Variants in CAPN9 observed in about 807,000 individuals in gnomAD.
The protein encoded by CAPN9 is calpain-9.
In CAPN9, 81 loss-of-function variants were observed where a neutral mutation model predicts 92.8. That is an observed-to-expected ratio of 0.87 (90% CI 0.73 to 1.05). The LOEUF (loss-of-function observed/expected upper bound fraction) is 1.05, where lower values mean the gene tolerates loss of function less well. CAPN9 is among the 50% of genes least tolerant of loss of function. The probability of loss-of-function intolerance (pLI) is 0.00; values close to 1 mark genes in which losing one functional copy is unlikely to be tolerated. For missense variants in CAPN9, 848 were observed against 866.2 expected (o/e 0.98, Z 0.26); for synonymous variants, 304 against 328.0 (o/e 0.93, Z 0.79).
chr1:230,783,525 T>G (rs1365512802), intron 11 of CAPN9, among the ~76,000 whole-genome samples: 1 of 152,180 alleles, frequency 6.6e-6, no homozygotes, highest in Admixed American at 6.5e-5. Flanking sequence ...TGCTCCTGCT[T>G]TTGCCATGTG....
chr1:230,798,138 C>G (rs755542081), intron 18 of CAPN9, 24 bp from the exon 19 acceptor site: 4 of 1,553,080 alleles, frequency 2.6e-6, no homozygotes, highest in Non-Finnish European at 3.6e-6. Context: ...TAAAAGGATG[C>G]CTTTCCCCCT....
intron 18 of CAPN9, among the ~76,000 whole-genome samples, chr1:230,796,329 TATAAATAAATAA>T (rs67443675): frequency 0.022 from 3,188 of 142,240 alleles, 41 homozygotes; most frequent in East Asian, 0.076. Context: ...ATCTCAAAAA[TATAAATAAATAA>T]ATAAATAAAT....
chr1:230,763,815 C>T (rs886990612), intron 4 of CAPN9, among the ~76,000 whole-genome samples: 2 of 152,208 alleles, frequency 1.3e-5, no homozygotes, highest in African/African-American at 4.8e-5. Flanking sequence ...CCAAAGATGC[C>T]CACGCTTGCC....
At chr1:230,772,224 C>T (rs1005982713) in intron 7 of CAPN9, 125 bp downstream of exon 7, 1 of 771,774 alleles carries the variant, frequency 1.3e-6, no homozygotes. Flanking sequence ...AGGATCCTGT[C>T]CCGATTCTGA....
At position 230,762,882 on chromosome 1, in the gene CAPN9, C is replaced by T. The variant is rs929747357; in HGVS notation, c.536+96C>T. 74 of 1,331,314 alleles carry T rather than the reference C, an allele frequency of 5.6e-5. 2 individuals carry two copies. In the South Asian group the frequency reaches 1.1e-3, roughly 20 times the overall value. The allele number at this position is 1,331,314 out of a possible 1,614,324, so 82.5% of individuals were successfully genotyped here. On this transcript the variant is annotated intron_variant, in intron 4 of 19. Coordinates refer to ENST00000271971, the MANE Select transcript of CAPN9 (RefSeq NM_006615.3). ...TCTAAGGGCTGGGAAAAAATCAGGG[C>T]TCTGGGTTTGCAGGTGAGGCTCGGC...
At position 230,801,630 on chromosome 1, in the gene CAPN9, A is replaced by T; in HGVS notation, c.*34A>T. ...TGTAGAGATGCAGCCTGCCCAGCTG[A>T]ATCTTGGCTTCTGGACCTTGACCTT... On this transcript the variant is annotated 3_prime_UTR_variant, in exon 20 of 20. Coordinates refer to ENST00000271971, the MANE Select transcript of CAPN9 (RefSeq NM_006615.3). 6.2e-7 allele frequency: 1 copy of T among 1,606,182 alleles called. No homozygotes were observed. The highest frequency in any genetic ancestry group is 8.5e-7 in the Non-Finnish European group (1 of 1,172,804).
At chr1:230,764,235 C>T (rs1418545150) in intron 4 of CAPN9, among the ~76,000 whole-genome samples, 2 of 152,154 alleles carry the variant, frequency 1.3e-5, no homozygotes, top group Non-Finnish European at 2.9e-5. Context: ...GGATTGCTGC[C>T]ACCAATGTGG....
intron 18 of CAPN9, 168 bp downstream of exon 18, chr1:230,795,447 A>C: frequency 7.0e-6 from 4 of 568,050 alleles, no homozygotes; most frequent in Non-Finnish European, 9.5e-6. Flanking sequence ...AAGGAGCAGA[A>C]TGTGCCAGCC....
chr1:230,750,030 C>T (rs1316409), intron 1 of CAPN9, among the ~76,000 whole-genome samples: 43,462 of 152,108 alleles, frequency 0.29, 6,610 homozygotes, highest in Non-Finnish European at 0.35. Context: ...TCAGAAGTCT[C>T]CCCTCCTGGG....
chr1:230,770,524 T>C (rs897707444), intron 6 of CAPN9, among the ~76,000 whole-genome samples: 4 of 152,120 alleles, frequency 2.6e-5, no homozygotes, highest in Non-Finnish European at 5.9e-5. Flanking sequence ...ATAAAATTAA[T>C]CACCACGAGT....
chr1:230,752,296 C>T (rs1463692638), intron 1 of CAPN9, among the ~76,000 whole-genome samples: 1 of 152,166 alleles, frequency 6.6e-6, no homozygotes, highest in Non-Finnish European at 1.5e-5. Flanking sequence ...CGCAGAACCC[C>T]CTGTGACTGG....
chr1:230,795,305 G>C, intron 18 of CAPN9, 26 bp downstream of exon 18: 1 of 1,435,886 alleles, frequency 7.0e-7, no homozygotes. Flanking sequence ...GGCTGAGGGT[G>C]CACCTCGGGG....
intron 6 of CAPN9, among the ~76,000 whole-genome samples, chr1:230,770,286 A>C (rs1666306758): frequency 6.6e-6 from 1 of 152,184 alleles, no homozygotes; most frequent in South Asian, 2.1e-4. Flanking sequence ...GGAGAGACGG[A>C]TGTCCCAGCT....
rs1429234084 is a variant in CAPN9, at chr1:230,798,196, G to A, written c.2022G>A (p.Glu674=). 6 of 1,612,244 alleles carry A rather than the reference G, an allele frequency of 3.7e-6. No homozygotes were observed. Among genetic ancestry groups the A allele is most frequent in the Non-Finnish European group, 3.4e-6 (4 of 1,178,498 alleles). Residue 674 remains glutamate (E), a synonymous_variant, in exon 19 of 20, where the codon GAG becomes GAA. Coordinates refer to ENST00000271971, the MANE Select transcript of CAPN9 (RefSeq NM_006615.3). ...VFQALSTKNK[E]FIHLNINEFI... Reference sequence around the variant, plus strand: ...AGGCTCTCAGTACAAAGAACAAGGAGTTCATTCATCTCAATATAAATGAGG... The same window carrying A: ...AGGCTCTCAGTACAAAGAACAAGGAATTCATTCATCTCAATATAAATGAGG...
At chr1:230,797,875 G>A (rs1020128332) in intron 18 of CAPN9, among the ~76,000 whole-genome samples, 4 of 152,202 alleles carry the variant, frequency 2.6e-5, no homozygotes, top group African/African-American at 9.7e-5. Flanking sequence ...CCCCCAGAAG[G>A]TTAAGATAGG....
At chr1:230,762,581 A>G in intron 3 of CAPN9, 72 bp from the exon 4 acceptor site, 1 of 1,559,252 alleles carries the variant, frequency 6.4e-7, no homozygotes, top group South Asian at 1.2e-5. Flanking sequence ...AACAGGATCA[A>G]CATTTACAAA....
intron 4 of CAPN9, among the ~76,000 whole-genome samples, chr1:230,764,068 C>CA (rs28359640): frequency 0.018 from 2,728 of 150,866 alleles, 82 homozygotes; most frequent in East Asian, 0.082. Flanking sequence ...AACAGCTCAC[C>CA]AAAAAAAAAC....
intron 4 of CAPN9, among the ~76,000 whole-genome samples, chr1:230,765,816 A>T (rs747141483): frequency 2.6e-5 from 4 of 152,250 alleles, no homozygotes; most frequent in Non-Finnish European, 5.9e-5. Context: ...AATTATGTTT[A>T]TATTCCATCC....
At position 230,767,720 on chromosome 1, in the gene CAPN9, C is replaced by T. The variant is rs369955125; in HGVS notation, c.705+11C>T. The T allele has an allele frequency of 3.3e-5, 53 of 1,610,652 alleles. 1 individual carries two copies. The African/African-American group carries it at 6.2e-4, about 19-fold the overall frequency. ...GGCTGCTTCATTGATGTAAGTTGCT[C>T]ATGGGCTCCCATTCCAGGCACTATG... is the stretch of plus-strand genomic sequence containing the variant. On this transcript the variant is annotated intron_variant, in intron 5 of 19. Coordinates refer to ENST00000271971, the MANE Select transcript of CAPN9 (RefSeq NM_006615.3).
Sources: allele counts gnomAD v4.1 joint callset (sites outside exome capture counted in the v4.1 genomes callset), GRCh38; gene constraint gnomAD v4.1.1; transcripts MANE v1.5; gene names NCBI Gene and HGNC (gene_info 2026-07-23, HGNC 2026-07-21).